RBAK: variants seen among roughly 807,000 people sequenced by gnomAD.
The protein encoded by RBAK is RB-associated KRAB zinc finger protein.
RBAK carries 39 observed loss-of-function variants against 65.8 expected under a neutral mutation model. The observed-to-expected ratio is 0.59, with a 90% CI of 0.46 to 0.77. The LOEUF (loss-of-function observed/expected upper bound fraction) is 0.77. Among genes scored for constraint, RBAK ranks in the 30% least tolerant of loss-of-function variants. The pLI, the probability that RBAK is intolerant of heterozygous loss-of-function variation, is 0.00. For synonymous variants in RBAK, 343 were observed against 289.7 expected, an observed-to-expected ratio of 1.18 and a Z score of -1.87; for missense variants, 884 against 855.1, an observed-to-expected ratio of 1.03 and a Z score of -0.42.
Position 5,066,908 on chromosome 7 carries a change from G to T in RBAK, c.*1307G>T, listed in dbSNP as rs1441773907. On this transcript the variant is annotated 3_prime_UTR_variant, in exon 5 of 5. Coordinates refer to ENST00000396912, the MANE Select transcript of RBAK (RefSeq NM_021163.4). ...GGTAATCAAATAGATTGTGTTCCAG[G>T]AATGCAAAGGTGGCTTAATATTCAC... 2.0e-5 allele frequency: 3 copies of T among 152,132 alleles called. No homozygotes were observed. The highest frequency in any genetic ancestry group is 1.3e-4 in the Admixed American group (2 of 15,278). 9.4% of individuals were successfully genotyped at this position (152,132 alleles called of 1,614,324 possible).
chr7:5,056,379 A>G (rs1038536833), intron 2 of RBAK, among the ~76,000 whole-genome samples: 1 of 151,942 alleles, frequency 6.6e-6, no homozygotes, highest in African/African-American at 2.4e-5. Context: ...TGGCCTCCCA[A>G]AGTGCTAGGA....
chr7:5,050,362 A>G (rs2115026724), intron 2 of RBAK, among the ~76,000 whole-genome samples: 1 of 152,242 alleles, frequency 6.6e-6, no homozygotes, highest in Non-Finnish European at 1.5e-5. Flanking sequence ...TGGTAGTTTG[A>G]TCTGGAAGTC....
rs576821880 is a variant in RBAK, at chr7:5,057,739, G to A, written c.198G>A (p.Pro66=). 103 of 1,613,876 alleles carry A rather than the reference G, an allele frequency of 6.4e-5. No individual in the cohort carries two copies. The East Asian group carries it at 6.9e-4, about 11-fold the overall frequency. ...VIIKLEQGEE[P]WIMGGEFPCQ... is the part of the protein sequence containing the mutation. The stretch of plus-strand genomic sequence containing the variant: ...TTAAGTTGGAGCAGGGAGAGGAGCC[G>A]TGGATAATGGGAGGTGAATTTCCAT... Residue 66 remains proline, a synonymous_variant, in exon 4 of 5, where the codon CCG becomes CCA. Transcript: ENST00000396912.
chr7:5,059,648 G>T (rs1340024353), intron 4 of RBAK, among the ~76,000 whole-genome samples: 1 of 152,180 alleles, frequency 6.6e-6, no homozygotes, highest in Non-Finnish European at 1.5e-5. Flanking sequence ...GCTCCTTGAA[G>T]TTTCCTTCAT....
chr7:5,062,948 C>A lies in RBAK; in HGVS notation c.239-747C>A, dbSNP rs374445628. On this transcript the variant is annotated intron_variant, in intron 4 of 4. Coordinates refer to ENST00000396912, the MANE Select transcript of RBAK (RefSeq NM_021163.4). ...GTTTTCCTGTTCTTTTTTCAAGGTG[C>A]CCAGATTTCATATTGTTCAAACACA... is the stretch of plus-strand genomic sequence containing the variant. Among the ~76,000 whole-genome samples, 8 of 152,178 alleles carry A rather than the reference C, an allele frequency of 5.3e-5. No individual in the cohort carries two copies. In the South Asian group the frequency reaches 1.0e-3, roughly 20 times the overall value.
chr7:5,066,364 A>G lies in RBAK; in HGVS notation c.*763A>G, dbSNP rs11542107. 4.6e-5 allele frequency: 7 copies of G among 152,162 alleles called. No homozygotes were observed. In the East Asian group the frequency reaches 9.6e-4, roughly 21 times the overall value. 9.4% of individuals were successfully genotyped at this position (152,162 alleles called of 1,614,324 possible). On this transcript the variant is annotated 3_prime_UTR_variant, in exon 5 of 5. Transcript: ENST00000396912. ...AGGCAGTCGTTTTGTAAAGTTTTCAACTGCATCTGAGTAAGATAAGATTTT... is the reference window on the plus strand; with the variant it reads ...AGGCAGTCGTTTTGTAAAGTTTTCAGCTGCATCTGAGTAAGATAAGATTTT...
chr7:5,048,125 C>A lies in RBAK; in HGVS notation c.15+34C>A, dbSNP rs1364180706. On this transcript the variant is annotated intron_variant, in intron 2 of 4. Transcript: ENST00000396912. This position sits in a 1 kb window ranked among gnomAD's most constrained non-coding sequence, Gnocchi z 4.4. ...TCATGCTTGTGTATATGTTCCTCAA[C>A]TTTATTTTATGATGCATTTTAAGAG... 7 of 1,572,242 alleles carry A rather than the reference C, an allele frequency of 4.5e-6. No homozygotes were observed. In the South Asian group the frequency reaches 8.2e-5, roughly 18 times the overall value.
Position 5,057,284 on chromosome 7 carries a change from T to A in RBAK, c.16-11T>A. The A allele has an allele frequency of 6.2e-7, 1 of 1,614,014 alleles. No individual in the cohort carries two copies. Among genetic ancestry groups the A allele is most frequent in the Non-Finnish European group, 8.5e-7 (1 of 1,179,998 alleles). ...CCGTATCTCCCAATTCTGATCATGT[T>A]GCCATTACAGGGGCCAGTGTCATTC... On this transcript the variant is annotated splice_polypyrimidine_tract_variant and intron_variant, in intron 2 of 4. Transcript: ENST00000396912.
chr7:5,048,002 T>C lies in RBAK; in HGVS notation c.-44-31T>C. The C allele has an allele frequency of 8.1e-7, 1 of 1,239,034 alleles. No individual in the cohort carries two copies. Among genetic ancestry groups the C allele is most frequent in the Non-Finnish European group, 1.1e-6 (1 of 880,322 alleles). The allele number at this position is 1,239,034 out of a possible 1,614,324, so 76.8% of individuals were successfully genotyped here. A position where few individuals can be genotyped will look rare whatever the true frequency, so the allele number is the denominator to read the frequency against. The stretch of plus-strand genomic sequence containing the variant: ...CTGCCTTTGCAGGCCAGAGCACTCA[T>C]GACTTCAGTGACCTGCTTCTCCCCC... On this transcript the variant is annotated intron_variant, in intron 1 of 4. Transcript: ENST00000396912. The surrounding 1 kb of genome is among the most constrained non-coding windows in gnomAD (Gnocchi z 4.4).
intron 1 of RBAK, among the ~76,000 whole-genome samples, chr7:5,046,748 C>A (rs1435032311): frequency 1.3e-5 from 2 of 152,174 alleles, no homozygotes; most frequent in Non-Finnish European, 2.9e-5. Context: ...CTGATTCCCC[C>A]CTTAGATCTG....
In RBAK at chr7:5,064,607, G is replaced by T; in HGVS notation, c.1151G>T (p.Arg384Leu). 6.2e-7 allele frequency: 1 copy of T among 1,613,668 alleles called. No homozygotes were observed. Among genetic ancestry groups the T allele is most frequent in the African/African-American group, 1.3e-5 (1 of 74,980 alleles). The change falls in exon 5 of 5, where the codon CGC (arginine) becomes CTC (leucine). Residue 384 changes from arginine to leucine, a missense_variant. By Grantham distance (102) the Arg-to-Leu change is moderately radical. Coordinates refer to ENST00000396912, the MANE Select transcript of RBAK (RefSeq NM_021163.4). This position sits in a 1 kb window ranked among gnomAD's most constrained non-coding sequence, Gnocchi z 6.3. ...AACGAATGTGGGAAATCCTTCTCCCGCAAGTCTGCTCTCAGTGACCATCAG... is the reference window on the plus strand; with the variant it reads ...AACGAATGTGGGAAATCCTTCTCCCTCAAGTCTGCTCTCAGTGACCATCAG... ...PCNECGKSFS[R>L]KSALSDHQRT...
chr7:5,060,839 T>C (rs1008591139), intron 4 of RBAK, among the ~76,000 whole-genome samples: 3 of 152,234 alleles, frequency 2.0e-5, no homozygotes, highest in African/African-American at 7.2e-5. Context: ...AGAGATGTTG[T>C]AGATTTCTGA....
chr7:5,048,027 C>T lies in RBAK; in HGVS notation c.-44-6C>T, dbSNP rs202184654. On this transcript the variant is annotated splice_region_variant and splice_polypyrimidine_tract_variant and intron_variant, in intron 1 of 4. Coordinates refer to ENST00000396912, the MANE Select transcript of RBAK (RefSeq NM_021163.4). This position sits in a 1 kb window ranked among gnomAD's most constrained non-coding sequence, Gnocchi z 4.4. ...TGACTTCAGTGACCTGCTTCTCCCC[C>T]TCTAGGTCTACCAGCCACAGTCTCT... 29 of 1,508,286 alleles carry T rather than the reference C, an allele frequency of 1.9e-5. No individual in the cohort carries two copies. The highest frequency in any genetic ancestry group is 2.4e-4 in the Middle Eastern group (1 of 4,108). The allele number at this position is 1,508,286 out of a possible 1,614,324, so 93.4% of individuals were successfully genotyped here.
Position 5,065,521 on chromosome 7 carries a change from C to T in RBAK, c.2065C>T (p.His689Tyr). 6.2e-7 allele frequency: 1 copy of T among 1,603,982 alleles called. No individual in the cohort carries two copies. Among genetic ancestry groups the T allele is most frequent in the Non-Finnish European group, 8.5e-7 (1 of 1,175,692 alleles). ...YECNECGKKFHHRSAFNSHQR... is the reference protein window; with the variant it reads ...YECNECGKKFYHRSAFNSHQR... Reference sequence around the variant, plus strand: ...ATGTAACGAGTGTGGGAAAAAATTCCACCACAGATCAGCCTTCAATAGCCA... The same window carrying T: ...ATGTAACGAGTGTGGGAAAAAATTCTACCACAGATCAGCCTTCAATAGCCA... Residue 689 changes from histidine (H) to tyrosine (Y), a missense_variant, in exon 5 of 5, where the codon CAC becomes TAC. Coordinates refer to ENST00000396912, the MANE Select transcript of RBAK (RefSeq NM_021163.4). The surrounding 1 kb of genome is among the most constrained non-coding windows in gnomAD (Gnocchi z 5.3).
chr7:5,062,123 A>G (rs1339228902), intron 4 of RBAK, among the ~76,000 whole-genome samples: 1 of 152,198 alleles, frequency 6.6e-6, no homozygotes. Flanking sequence ...TTGCAGTTTA[A>G]TATAAATTGT....
At position 5,064,263 on chromosome 7, in the gene RBAK, C is replaced by A; in HGVS notation, c.807C>A (p.Ser269=). Residue 269 remains serine, a synonymous_variant, in exon 5 of 5, where the codon TCC becomes TCA. Transcript: ENST00000396912. This position sits in a 1 kb window ranked among gnomAD's most constrained non-coding sequence, Gnocchi z 6.3. The stretch of plus-strand genomic sequence containing the variant: ...TTGAATGCAGTGAATGTGGAAAATC[C>A]TTCTGTAAAAAGTCAAAATTCATCA... ...KPFECSECGK[S]FCKKSKFIIH... is the part of the protein sequence containing the mutation. 1.2e-6 allele frequency: 2 copies of A among 1,614,018 alleles called. No homozygotes were observed. The highest frequency in any genetic ancestry group is 1.7e-6 in the Non-Finnish European group (2 of 1,179,982).
Position 5,067,975 on chromosome 7 carries a change from G to A in RBAK, c.*2374G>A, listed in dbSNP as rs1464826982. The stretch of plus-strand genomic sequence containing the variant: ...AGGACAGTTTGTAATCTTGGAGTAA[G>A]CAAAGGTTTATTGAGACCCAAAAAG... On this transcript the variant is annotated 3_prime_UTR_variant, in exon 5 of 5. Coordinates refer to ENST00000396912, the MANE Select transcript of RBAK (RefSeq NM_021163.4). The A allele has an allele frequency of 2.0e-5, 3 of 152,120 alleles. No individual in the cohort carries two copies. The allele number at this position is 152,120 out of a possible 1,614,324, so 9.4% of individuals were successfully genotyped here.
rs762235727 is a variant in RBAK, at chr7:5,064,896, A to G, written c.1440A>G (p.Thr480=). The G allele has an allele frequency of 6.2e-7, 1 of 1,614,088 alleles. No homozygotes were observed. The highest frequency in any genetic ancestry group is 1.7e-5 in the Admixed American group (1 of 60,012). ...TCATTAGACATCGGAAAGTACACAC[A>G]GAAGAGAAATCCCATGAATGTAGTG... is the stretch of plus-strand genomic sequence containing the variant. ...SAFIRHRKVH[T]EEKSHECSEC... Residue 480 remains threonine (T), a synonymous_variant, in exon 5 of 5, where the codon ACA becomes ACG. Coordinates refer to ENST00000396912, the MANE Select transcript of RBAK (RefSeq NM_021163.4). The surrounding 1 kb of genome is among the most constrained non-coding windows in gnomAD (Gnocchi z 6.3).
chr7:5,050,695 C>T (rs191459113), intron 2 of RBAK, among the ~76,000 whole-genome samples: 102 of 152,246 alleles, frequency 6.7e-4, no homozygotes, highest in Non-Finnish European at 9.4e-4. Context: ...CCACTTCAGC[C>T]TCCCAAGTAG....
Sources: allele counts gnomAD v4.1 joint callset (sites outside exome capture counted in the v4.1 genomes callset), GRCh38; gene constraint gnomAD v4.1.1; non-coding constraint Gnocchi (gnomAD v3.1); transcripts MANE v1.5; gene names NCBI Gene and HGNC (gene_info 2026-07-23, HGNC 2026-07-21).